Variants in COL4A6 observed in about 807,000 individuals in gnomAD.
COL4A6 encodes the protein collagen alpha-6(IV) chain.
COL4A6 carries 59 observed loss-of-function variants against 126.7 expected under a neutral mutation model. The ratio of observed to expected loss-of-function variants is 0.47; its 90% CI spans 0.38 to 0.58. The LOEUF (loss-of-function observed/expected upper bound fraction) is 0.58, where lower values mean the gene tolerates loss of function less well. COL4A6 is among the 20% of genes least tolerant of loss of function. The pLI, the probability that COL4A6 is intolerant of heterozygous loss-of-function variation, is 0.00. For missense variants in COL4A6, 1,285 were observed against 1,337.3 expected, an observed-to-expected ratio of 0.96 and a Z score of 0.61; for synonymous variants, 547 against 496.6, an observed-to-expected ratio of 1.10 and a Z score of -1.35.
At chrX:108,312,661 G>A (rs2038789762) in intron 2 of COL4A6, among the ~76,000 whole-genome samples, 1 of 112,021 alleles carries the variant, frequency 8.9e-6, no homozygotes, top group South Asian at 3.8e-4. Context: ...ACATTTCTGT[G>A]TTTTCTAAGC....
At chrX:108,362,960 T>C (rs1271802475) in intron 2 of COL4A6, among the ~76,000 whole-genome samples, 1 of 112,075 alleles carries the variant, frequency 8.9e-6, no homozygotes, top group Non-Finnish European at 1.9e-5. Context: ...AGGTATGATC[T>C]ACCCTTGAGT....
chrX:108,280,197 A>C (rs1054211434), intron 3 of COL4A6, among the ~76,000 whole-genome samples: 1 of 111,684 alleles, frequency 9.0e-6, no homozygotes, highest in African/African-American at 3.3e-5. Flanking sequence ...AAATTAACGA[A>C]TCCAAGAGCT....
At position 108,294,636 on chromosome X, in the gene COL4A6, C is replaced by T. The variant is rs756951564; in HGVS notation, c.144+16112G>A. Among the ~76,000 whole-genome samples the T allele has an allele frequency of 5.4e-5, 6 of 111,417 alleles. No homozygotes were observed. The East Asian group carries it at 1.4e-3, about 26-fold the overall frequency. ...ATCAGGGAGGTAGAAAGAGACGCTT[C>T]GGTTTGGGGTCCAGAGAGATCTGTC... On this transcript the variant is annotated intron_variant, in intron 3 of 44. Transcript: ENST00000334504.
chrX:108,317,418 G>C (rs1015048749), intron 2 of COL4A6, among the ~76,000 whole-genome samples: 2 of 112,190 alleles, frequency 1.8e-5, no homozygotes, highest in African/African-American at 6.5e-5. Flanking sequence ...CAAGGAAGAT[G>C]CCTTAGTCAG....
chrX:108,163,657 G>C (rs2148060506), intron 40 of COL4A6: 1 of 112,483 alleles, frequency 8.9e-6, no homozygotes, highest in South Asian at 3.8e-4. Context: ...CTGTTAATCT[G>C]AGTGTAAGTT....
intron 2 of COL4A6, chrX:108,383,346 C>T: frequency 2.9e-6 from 1 of 350,304 alleles, no homozygotes; most frequent in Non-Finnish European, 5.4e-6. Flanking sequence ...CAATTACACA[C>T]ATATATGCAT....
At chrX:108,286,926 T>C (rs2038021353) in intron 3 of COL4A6, among the ~76,000 whole-genome samples, 1 of 111,390 alleles carries the variant, frequency 9.0e-6, no homozygotes, top group African/African-American at 3.3e-5. Flanking sequence ...TAGTCTCTCA[T>C]GGTGCTGTTG....
At chrX:108,213,885 A>T (rs979897121) in intron 6 of COL4A6, 12 of 324,806 alleles carry the variant, frequency 3.7e-5, no homozygotes, top group Admixed American at 1.2e-4. Flanking sequence ...AAGCTGCATT[A>T]AAAAAAAGGC....
rs966226915 is a variant in COL4A6, at chrX:108,162,953, C to A, written c.4155G>T (p.Gly1385=). 8.3e-7 allele frequency: 1 copy of A among 1,200,232 alleles called. No individual in the cohort carries two copies. Among genetic ancestry groups the A allele is most frequent in the Non-Finnish European group, 1.1e-6 (1 of 890,978 alleles). The change falls in exon 41 of 45, where the codon GGG becomes GGT. Residue 1385 remains glycine, a synonymous_variant. Transcript: ENST00000334504. ...QVPPGPLGLP[G]IDGIPGLTGD... ...CAGTGAGGCCAGGGATGCCATCGATCCCTGGTAGACCCAAGGGTCCAGGAG... is the reference window on the plus strand; with the variant it reads ...CAGTGAGGCCAGGGATGCCATCGATACCTGGTAGACCCAAGGGTCCAGGAG...
At chrX:108,241,809 T>G (rs1391925806) in intron 3 of COL4A6, among the ~76,000 whole-genome samples, 3 of 109,547 alleles carry the variant, frequency 2.7e-5, no homozygotes, top group Non-Finnish European at 5.7e-5. Flanking sequence ...CTTTCTATTT[T>G]GGAATAATAT....
intron 2 of COL4A6, among the ~76,000 whole-genome samples, chrX:108,356,891 G>A (rs1269779446): frequency 9.4e-6 from 1 of 106,682 alleles, no homozygotes; most frequent in Non-Finnish European, 1.9e-5. Context: ...AGCAGAAGAA[G>A]CACATTTCAT....
chrX:108,220,034 C>G (rs1015562076), intron 4 of COL4A6, among the ~76,000 whole-genome samples: 5 of 110,924 alleles, frequency 4.5e-5, no homozygotes, highest in Non-Finnish European at 7.6e-5. Context: ...ACTGGAGAAC[C>G]TTGAATGACC....
At chrX:108,275,291 A>T (rs965514658) in intron 3 of COL4A6, among the ~76,000 whole-genome samples, 7 of 111,989 alleles carry the variant, frequency 6.3e-5, no homozygotes, top group Admixed American at 3.8e-4. Context: ...CAGTTTCTCC[A>T]TAAGATACTT....
At chrX:108,220,205 C>T (rs1277846685) in intron 4 of COL4A6, among the ~76,000 whole-genome samples, 1 of 112,055 alleles carries the variant, frequency 8.9e-6, no homozygotes, top group Non-Finnish European at 1.9e-5. Flanking sequence ...CAATTGCATC[C>T]ACCTTCAGGA....
chrX:108,439,441 CTGG>C (rs2064341383), upstream of COL4A6: 1 of 590,651 alleles, frequency 1.7e-6, no homozygotes, highest in Admixed American at 4.9e-5. Flanking sequence ...CTGTGAGCAG[CTGG>C]AAGGTAAAGA....
At chrX:108,290,661 T>C (rs1217274943) in intron 3 of COL4A6, among the ~76,000 whole-genome samples, 2 of 112,758 alleles carry the variant, frequency 1.8e-5, no homozygotes, top group Non-Finnish European at 3.7e-5. Context: ...TTAATACTTG[T>C]TTATTGTTAC....
At position 108,174,538 on chromosome X, in the gene COL4A6, C is replaced by A; in HGVS notation, c.3040G>T (p.Gly1014Ter). 1 of 1,209,741 alleles carries A rather than the reference C, an allele frequency of 8.3e-7. No homozygotes were observed. Among genetic ancestry groups the A allele is most frequent in the Non-Finnish European group, 1.1e-6 (1 of 894,457 alleles). The part of the protein sequence containing the change: ...GLPGIIKGVS[G>*]KPGPPGFMGI... ...ATGAAGCCAGGGGGCCCTGGCTTTC[C>A]ACTAACTCCTTTGATAATGCCTGGG... The change falls in exon 31 of 45, where the codon GGA becomes TGA. Residue 1014 changes from glycine (G) to a stop codon, truncating the protein, a stop_gained. Coordinates refer to ENST00000334504, the MANE Select transcript of COL4A6 (RefSeq NM_033641.4). LOFTEE classifies it high-confidence loss of function.
At chrX:108,322,397 C>A (rs1261891200) in intron 2 of COL4A6, among the ~76,000 whole-genome samples, 3 of 111,896 alleles carry the variant, frequency 2.7e-5, no homozygotes, top group Admixed American at 1.9e-4. Context: ...GAAGCTGACA[C>A]CAGACATTTC....
intron 3 of COL4A6, among the ~76,000 whole-genome samples, chrX:108,271,092 C>T: frequency 8.9e-6 from 1 of 112,452 alleles, no homozygotes; most frequent in Non-Finnish European, 1.9e-5. Flanking sequence ...TTCATTAAAT[C>T]AGCCATAAAA....
Sources: gnomAD v4.1 joint callset for allele counts (sites outside exome capture counted in the v4.1 genomes callset) on GRCh38, gnomAD v4.1.1 for gene constraint, MANE v1.5 for transcripts, NCBI Gene and HGNC (gene_info 2026-07-23, HGNC 2026-07-21) for gene names.